The following PEAK1 variants were observed in gnomAD, a reference collection of about 807,000 sequenced individuals.
PEAK1 encodes the protein inactive tyrosine-protein kinase PEAK1.
A neutral mutation model predicts 124.7 loss-of-function variants in PEAK1; 54 were observed. The observed-to-expected ratio is 0.43, with a 90% CI of 0.35 to 0.54. The LOEUF is 0.54. Ranked by LOEUF, PEAK1 falls within the 20% of genes least tolerant of loss-of-function variation. PEAK1 has a pLI of 0.01. For synonymous variants in PEAK1, 719 were observed against 760.0 expected (o/e 0.95, Z 0.89); for missense variants, 2,046 against 2,134.5 (o/e 0.96, Z 0.82).
intron 2 of PEAK1, among the ~76,000 whole-genome samples, chr15:77,362,418 C>T (rs542649198): frequency 1.3e-5 from 2 of 151,772 alleles, no homozygotes; most frequent in Non-Finnish European, 1.5e-5. Context: ...CATAATAAGT[C>T]ACTAGGGAAA....
Position 77,201,745 on chromosome 15 carries a change from GTA to G in PEAK1, c.-114-19707_-114-19706del, listed in dbSNP as rs1699092837. Among the ~76,000 whole-genome samples, 3 of 152,128 alleles carry G rather than the reference GTA, an allele frequency of 2.0e-5. No homozygotes were observed. In the South Asian group the frequency reaches 6.2e-4, roughly 32 times the overall value. ...CAAATATTGCTTTTTCATCATTTTGGTATATCATATGGGAAAAGCTAATTCAG... is the reference window on the plus strand; with the variant it reads ...CAAATATTGCTTTTTCATCATTTTGGTATCATATGGGAAAAGCTAATTCAG... On this transcript the variant is annotated intron_variant, in intron 6 of 9. Coordinates refer to ENST00000682557, the MANE Select transcript of PEAK1 (RefSeq NM_001385026.1).
At chr15:77,330,979 C>A in intron 2 of PEAK1, 2 of 893,394 alleles carry the variant, frequency 2.2e-6, no homozygotes, top group Non-Finnish European at 2.7e-6. Flanking sequence ...GAGTGAATGG[C>A]TGAGTAATTA....
chr15:77,152,817 C>T (rs1003715187), intron 8 of PEAK1, among the ~76,000 whole-genome samples: 1 of 152,170 alleles, frequency 6.6e-6, no homozygotes, highest in African/African-American at 2.4e-5. Flanking sequence ...GTTGAACCAG[C>T]CTTGCATCCC....
intron 2 of PEAK1, among the ~76,000 whole-genome samples, chr15:77,344,674 T>C (rs907992259): frequency 1.3e-5 from 2 of 152,200 alleles, no homozygotes; most frequent in African/African-American, 4.8e-5. Flanking sequence ...TTAACAACAG[T>C]GTCTTCCAAC....
At chr15:77,311,540 C>T (rs1030821457) in intron 2 of PEAK1, among the ~76,000 whole-genome samples, 3 of 151,552 alleles carry the variant, frequency 2.0e-5, no homozygotes, top group African/African-American at 7.3e-5. Context: ...GGCGTGCTGG[C>T]GGGTACCTGT....
At position 77,365,797 on chromosome 15, in the gene PEAK1, A is replaced by G. The variant is rs139416672; in HGVS notation, c.-665-572T>C. Among the ~76,000 whole-genome samples, 641 of 152,084 alleles carry G rather than the reference A, an allele frequency of 4.2e-3. 1 individual carries two copies. Among genetic ancestry groups the G allele is most frequent in the African/African-American group, 0.013 (547 of 41,518 alleles). On this transcript the variant is annotated intron_variant, in intron 1 of 9. Transcript: ENST00000682557. ...AACATGTACTACATAAACAGGAGAA[A>G]AAAATCAATCTCCTTCATCAACTCA...
intron 2 of PEAK1, among the ~76,000 whole-genome samples, chr15:77,299,015 C>T (rs776080436): frequency 6.6e-6 from 1 of 152,188 alleles, no homozygotes; most frequent in Admixed American, 6.5e-5. Flanking sequence ...CAGCTGGATG[C>T]TAAACTTTCA....
At position 77,192,457 on chromosome 15, in the gene PEAK1, G is replaced by A. The variant is rs146068212; in HGVS notation, c.-114-10417C>T. Among the ~76,000 whole-genome samples the A allele has an allele frequency of 1.6e-4, 25 of 152,338 alleles. 1 individual carries two copies. The East Asian group carries it at 4.8e-3, about 29-fold the overall frequency. Reference sequence around the variant, plus strand: ...AAGCTCAGACTCTGGGGAGTTACTGGATATTAATATACAAGGAGACCGCAG... The same window carrying A: ...AAGCTCAGACTCTGGGGAGTTACTGAATATTAATATACAAGGAGACCGCAG... On this transcript the variant is annotated intron_variant, in intron 6 of 9. Transcript: ENST00000682557.
chr15:77,418,345 A>AT (rs924452482), intron 1 of PEAK1: 2 of 985,128 alleles, frequency 2.0e-6, no homozygotes, highest in Non-Finnish European at 2.4e-6. Context: ...ATAATTTGAC[A>AT]TTTTTTCCCA....
chr15:77,264,193 A>ACAAGACAGGGATGCCCTCTCTCAC (rs2061593691), intron 5 of PEAK1, among the ~76,000 whole-genome samples: 2 of 152,146 alleles, frequency 1.3e-5, no homozygotes, highest in Non-Finnish European at 2.9e-5. Context: ...GAAAACTGGC[A>ACAAGACAGGGATGCCCTCTCTCAC]CAAGACAGGG....
intron 8 of PEAK1, chr15:77,156,157 G>C (rs985404031): frequency 1.3e-5 from 2 of 153,718 alleles, no homozygotes; most frequent in Admixed American, 6.5e-5. Context: ...CACCCAGTTC[G>C]AGCTTCCGGG....
chr15:77,419,364 G>T (rs1293546912), intron 1 of PEAK1: 60 of 985,210 alleles, frequency 6.1e-5, no homozygotes, highest in Non-Finnish European at 7.0e-5. Flanking sequence ...AAGAAAAGTT[G>T]CAAGAACGGA....
At position 77,170,299 on chromosome 15, in the gene PEAK1, G is replaced by GA. The variant is rs200035784; in HGVS notation, c.3137+8490dup. ...AATCATAAAAAGTTTAAAATAAAAT[G>GA]AAAAAAAAAGAGAGGACCAATTTTA... On this transcript the variant is annotated intron_variant, in intron 7 of 9. Coordinates refer to ENST00000682557, the MANE Select transcript of PEAK1 (RefSeq NM_001385026.1). 4.7e-3 allele frequency among the ~76,000 whole-genome samples: 701 copies of GA among 148,902 alleles called. 1 individual carries two copies. Among genetic ancestry groups the GA allele is most frequent in the African/African-American group, 0.015 (596 of 40,612 alleles).
chr15:77,143,918 T>C (rs1297392799), intron 8 of PEAK1, among the ~76,000 whole-genome samples: 1 of 152,230 alleles, frequency 6.6e-6, no homozygotes, highest in Non-Finnish European at 1.5e-5. Flanking sequence ...AACTAGAACA[T>C]GAACCTATTC....
rs2057117643 is a variant in PEAK1, at chr15:77,179,632, T to C, written c.2295A>G (p.Thr765=). 1 of 1,614,036 alleles carries C rather than the reference T, an allele frequency of 6.2e-7. No homozygotes were observed. Among genetic ancestry groups the C allele is most frequent in the African/African-American group, 1.3e-5 (1 of 74,920 alleles). ...GSSSTREKAS[T]VLSQIVASIQ... is the part of the protein sequence containing the mutation. ...TTGAAGCCACAATCTGAGAAAGCAC[T>C]GTGCTTGCTTTCTCTCTGGTGCTGC... is the stretch of plus-strand genomic sequence containing the variant. Residue 765 remains threonine, a synonymous_variant, in exon 7 of 10, where the codon ACA becomes ACG. Transcript: ENST00000682557.
chr15:77,382,065 T>C (rs1209092780), intron 1 of PEAK1, among the ~76,000 whole-genome samples: 1 of 152,168 alleles, frequency 6.6e-6, no homozygotes, highest in Non-Finnish European at 1.5e-5. Flanking sequence ...CAAGCTAGAC[T>C]CCATCCATGT....
intron 6 of PEAK1, among the ~76,000 whole-genome samples, chr15:77,218,535 C>T (rs2059247398): frequency 6.6e-6 from 1 of 151,266 alleles, no homozygotes. Context: ...GGAATTATGC[C>T]TCTATTTTCA....
chr15:77,105,357 T>TGTGTGTGCGCGCGCGC (rs1555407960), downstream of PEAK1: 2 of 85,400 alleles, frequency 2.3e-5, no homozygotes, highest in Admixed American at 1.1e-4. Flanking sequence ...TGTGTGTGTG[T>TGTGTGTGCGCGCGCGC]GCGCGCGTGC....
At chr15:77,217,926 T>C (rs1047460861) in intron 6 of PEAK1, among the ~76,000 whole-genome samples, 4 of 152,212 alleles carry the variant, frequency 2.6e-5, no homozygotes, top group African/African-American at 4.8e-5. Flanking sequence ...CAAATGTGTA[T>C]TGCAAATATA....
Sources: gnomAD v4.1 joint callset for allele counts (sites outside exome capture counted in the v4.1 genomes callset) on GRCh38, gnomAD v4.1.1 for gene constraint, MANE v1.5 for transcripts, NCBI Gene and HGNC (gene_info 2026-07-23, HGNC 2026-07-21) for gene names.